ULK4: variants seen among roughly 807,000 people sequenced by gnomAD.
The protein encoded by ULK4 is inactive serine/threonine-protein kinase ULK4.
ULK4 carries 133 observed loss-of-function variants against 160.6 expected under a neutral mutation model. The ratio of observed to expected loss-of-function variants is 0.83; its 90% CI spans 0.72 to 0.96. ULK4 has a LOEUF of 0.96. Ranked by LOEUF, ULK4 falls within the 40% of genes least tolerant of loss-of-function variation. The pLI is 0.00. For missense variants in ULK4, 1,580 were observed against 1,499.5 expected, an observed-to-expected ratio of 1.05 and a Z score of -0.89; for synonymous variants, 534 against 539.8, an observed-to-expected ratio of 0.99 and a Z score of 0.15.
intron 32 of ULK4, among the ~76,000 whole-genome samples, chr3:41,557,833 C>A (rs2087358598): frequency 6.6e-6 from 1 of 151,888 alleles, no homozygotes. Context: ...GAAAAGTCCT[C>A]ATTTCTATTG....
chr3:41,364,013 C>T (rs1024377658), intron 35 of ULK4, among the ~76,000 whole-genome samples: 3 of 152,004 alleles, frequency 2.0e-5, no homozygotes, highest in Non-Finnish European at 4.4e-5. Context: ...TCACTGCAGC[C>T]TTGACCTCCC....
chr3:41,746,201 G>C (rs2038412454), intron 22 of ULK4, among the ~76,000 whole-genome samples: 2 of 125,622 alleles, frequency 1.6e-5, no homozygotes, highest in African/African-American at 3.2e-5. Flanking sequence ...ACAAACAAGA[G>C]AGAAGAAAAA....
chr3:41,786,096 G>T (rs898289665), intron 21 of ULK4, among the ~76,000 whole-genome samples: 2 of 152,058 alleles, frequency 1.3e-5, no homozygotes, highest in Admixed American at 1.3e-4. Flanking sequence ...CCTGCACACT[G>T]CCCCTAACAG....
At chr3:41,641,264 C>G (rs370818991) in intron 30 of ULK4, among the ~76,000 whole-genome samples, 225 of 152,298 alleles carry the variant, frequency 1.5e-3, no homozygotes, top group African/African-American at 5.2e-3. Context: ...TTATGATATA[C>G]AACATCTAAG....
chr3:41,860,785 T>C lies in ULK4; in HGVS notation c.1656+23089A>G, dbSNP rs1333294139. ...TATTTGTTTTCTGGTTGTTTTGTGA[T>C]CTTCTCTTCCTTCTTTCTTTCCTAT... is the stretch of plus-strand genomic sequence containing the variant. On this transcript the variant is annotated intron_variant, in intron 17 of 36. Transcript: ENST00000301831. 2.7e-5 allele frequency among the ~76,000 whole-genome samples: 4 copies of C among 149,070 alleles called. No individual in the cohort carries two copies. The East Asian group carries it at 5.8e-4, about 22-fold the overall frequency.
chr3:41,776,322 T>A (rs1225556295), intron 21 of ULK4, among the ~76,000 whole-genome samples: 1 of 150,838 alleles, frequency 6.6e-6, no homozygotes, highest in East Asian at 1.9e-4. Flanking sequence ...ATATCCTGGA[T>A]ACTAATCATT....
chr3:41,276,855 A>C (rs573946220), intron 35 of ULK4, among the ~76,000 whole-genome samples: 26 of 152,332 alleles, frequency 1.7e-4, no homozygotes, highest in Non-Finnish European at 3.5e-4. Context: ...AGTAGCATAC[A>C]AATTAAAACA....
chr3:41,928,353 G>A (rs576179111), intron 5 of ULK4, among the ~76,000 whole-genome samples: 2 of 152,302 alleles, frequency 1.3e-5, no homozygotes, highest in African/African-American at 4.8e-5. Context: ...CTAAAGCAGT[G>A]TGTAGAGGGA....
At chr3:41,936,408 G>T (rs1699777310) in intron 3 of ULK4, among the ~76,000 whole-genome samples, 1 of 152,108 alleles carries the variant, frequency 6.6e-6, no homozygotes. Flanking sequence ...AAAGGCCAAA[G>T]TCAGGCACAT....
intron 22 of ULK4, among the ~76,000 whole-genome samples, chr3:41,738,406 A>G (rs893294897): frequency 6.6e-6 from 1 of 151,932 alleles, no homozygotes; most frequent in African/African-American, 2.4e-5. Flanking sequence ...CAAACAGTTC[A>G]TGTTCACTGC....
rs187309383 is a variant in ULK4 at position 41,800,882 on chromosome 3, G to T, written c.1849-589C>A. Among the ~76,000 whole-genome samples the T allele has an allele frequency of 1.6e-3, 240 of 152,230 alleles. 1 individual carries two copies. The highest frequency in any genetic ancestry group is 2.8e-3 in the Non-Finnish European group (193 of 68,010). ...CTCAAAAAGATTCAACTGTTTTCAG[G>T]TAATATAAATGAGTCCAAGGAAAAG... On this transcript the variant is annotated intron_variant, in intron 19 of 36. Coordinates refer to ENST00000301831, the MANE Select transcript of ULK4 (RefSeq NM_017886.4).
intron 35 of ULK4, among the ~76,000 whole-genome samples, chr3:41,291,991 C>T (rs994573591): frequency 1.3e-5 from 2 of 151,972 alleles, no homozygotes; most frequent in African/African-American, 4.8e-5. Flanking sequence ...CCACCATGCC[C>T]GGCTATTTTT....
intron 32 of ULK4, among the ~76,000 whole-genome samples, chr3:41,563,944 T>C (rs2087694693): frequency 6.6e-6 from 1 of 152,198 alleles, no homozygotes; most frequent in African/African-American, 2.4e-5. Context: ...AAAGGTGCTA[T>C]GGTTTTTAGA....
At chr3:41,589,139 C>T (rs1373511398) in intron 31 of ULK4, among the ~76,000 whole-genome samples, 8 of 151,474 alleles carry the variant, frequency 5.3e-5, no homozygotes. Context: ...AATAACTTAG[C>T]ACAGGACTAT....
intron 22 of ULK4, among the ~76,000 whole-genome samples, chr3:41,739,321 C>T (rs981315730): frequency 6.6e-6 from 1 of 151,816 alleles, no homozygotes; most frequent in African/African-American, 2.4e-5. Context: ...TTGTTTATGA[C>T]CAGCTAATTG....
chr3:41,829,096 T>C (rs547898301), intron 18 of ULK4, among the ~76,000 whole-genome samples: 3 of 151,064 alleles, frequency 2.0e-5, no homozygotes, highest in Admixed American at 1.3e-4. Context: ...TAGCCATATG[T>C]AGAAAGCTGA....
intron 16 of ULK4, among the ~76,000 whole-genome samples, chr3:41,888,266 ACACT>A (rs1262978368): frequency 6.6e-6 from 1 of 152,208 alleles, no homozygotes; most frequent in African/African-American, 2.4e-5. Flanking sequence ...TAAACACTTG[ACACT>A]CACTTTTCTG....
intron 17 of ULK4, among the ~76,000 whole-genome samples, chr3:41,866,150 C>T (rs1378905449): frequency 6.6e-6 from 1 of 152,290 alleles, no homozygotes; most frequent in South Asian, 2.1e-4. Context: ...ACATGATTTC[C>T]CTCAATTGAG....
chr3:41,279,027 T>C (rs149071822), intron 35 of ULK4, among the ~76,000 whole-genome samples: 37,877 of 151,806 alleles, frequency 0.25, 6,982 homozygotes, highest in African/African-American at 0.52. Flanking sequence ...TTCTAACCCA[T>C]TGCAAGGAAG....
Sources: allele counts gnomAD v4.1 joint callset (sites outside exome capture counted in the v4.1 genomes callset), GRCh38; gene constraint gnomAD v4.1.1; transcripts MANE v1.5; gene names NCBI Gene and HGNC (gene_info 2026-07-23, HGNC 2026-07-21).